The following GPC1 variants were observed in gnomAD, a reference collection of about 807,000 sequenced individuals.
GPC1 encodes glypican 1, also known as glypican-1.
A neutral mutation model predicts 51.5 loss-of-function variants in GPC1; 26 were observed. That is an observed-to-expected ratio of 0.50 (90% CI 0.37 to 0.70). The LOEUF (loss-of-function observed/expected upper bound fraction) is 0.70. Among genes scored for constraint, GPC1 ranks in the 30% least tolerant of loss-of-function variants. The pLI, the probability that GPC1 is intolerant of heterozygous loss-of-function variation, is 0.00. For missense variants in GPC1, 775 were observed against 800.5 expected (o/e 0.97, Z 0.38); for synonymous variants, 380 against 348.3 (o/e 1.09, Z -1.01).
chr2:240,442,466 A>C (rs1050609994), intron 1 of GPC1: 1 of 152,246 alleles, frequency 6.6e-6, no homozygotes, highest in African/African-American at 2.4e-5. Context: ...GGCGTGAGGA[A>C]GTCTGCTCCA....
In GPC1 at chr2:240,435,883, C is replaced by T; in HGVS notation, c.-36C>T. 8.3e-7 allele frequency: 1 copy of T among 1,202,408 alleles called. No homozygotes were observed. The highest frequency in any genetic ancestry group is 1.0e-6 in the Non-Finnish European group (1 of 962,744). The allele number at this position is 1,202,408 out of a possible 1,614,324, so 74.5% of individuals were successfully genotyped here. On this transcript the variant is annotated 5_prime_UTR_variant, in exon 1 of 9. Coordinates refer to ENST00000264039, the MANE Select transcript of GPC1 (RefSeq NM_002081.3). ...GGACCCGGCCAGGATCCGAGAGAGG[C>T]GCGGGCGGGTGGCCGGGGGCGCCGC...
intron 2 of GPC1, among the ~76,000 whole-genome samples, chr2:240,459,866 C>A (rs2074202119): frequency 6.6e-6 from 1 of 152,168 alleles, no homozygotes; most frequent in African/African-American, 2.4e-5. Context: ...ATGAAGTGAC[C>A]TCTGATCAGA....
chr2:240,438,119 C>T (rs1574753604), intron 1 of GPC1, among the ~76,000 whole-genome samples: 1 of 152,212 alleles, frequency 6.6e-6, no homozygotes, highest in Non-Finnish European at 1.5e-5. Context: ...TGTCTAACCA[C>T]GGTGCCAGCC....
chr2:240,443,425 C>T (rs928670976), intron 1 of GPC1, among the ~76,000 whole-genome samples: 10 of 152,314 alleles, frequency 6.6e-5, no homozygotes, highest in Admixed American at 2.0e-4. Flanking sequence ...CGAGGAGGCC[C>T]GCTGCTCTCT....
intron 1 of GPC1, chr2:240,456,544 A>G (rs1219980530): frequency 4.3e-6 from 2 of 462,926 alleles, no homozygotes; most frequent in African/African-American, 2.0e-5. Context: ...CTCAGCTGGC[A>G]CCTGCCACCC....
intron 1 of GPC1, chr2:240,453,121 C>A: frequency 3.7e-6 from 1 of 271,472 alleles, no homozygotes. Context: ...CATCTCCACC[C>A]GCTCCTCGTC....
chr2:240,456,339 G>A (rs11693260), intron 1 of GPC1, among the ~76,000 whole-genome samples: 1 of 152,048 alleles, frequency 6.6e-6, no homozygotes, highest in African/African-American at 2.4e-5. Context: ...GAGTGGGTCC[G>A]CCGGGACCTC....
rs530136652 is a variant in GPC1, at chr2:240,454,222, C to G, written c.167-4808C>G. Among the ~76,000 whole-genome samples the G allele has an allele frequency of 2.6e-5, 4 of 152,250 alleles. No homozygotes were observed. The South Asian group carries it at 8.3e-4, about 32-fold the overall frequency. ...CTGCCTCTGGCTCAGACGTCAGGAG[C>G]CCAGGCGGACAGGGACTGGCCAGGG... On this transcript the variant is annotated intron_variant, in intron 1 of 8. Coordinates refer to ENST00000264039, the MANE Select transcript of GPC1 (RefSeq NM_002081.3).
chr2:240,462,084 C>T, intron 2 of GPC1, 107 bp from the exon 3 acceptor site: 1 of 1,145,036 alleles, frequency 8.7e-7, no homozygotes, highest in Admixed American at 2.8e-5. Context: ...CCGAGGTCCT[C>T]AGAGTGTATC....
chr2:240,451,248 C>T (rs1016400537), intron 1 of GPC1: 22 of 470,980 alleles, frequency 4.7e-5, no homozygotes, highest in African/African-American at 3.8e-4. Context: ...TTGGCATTCA[C>T]GGGGCAGATG....
intron 1 of GPC1, chr2:240,449,646 C>T (rs1474315993): frequency 9.1e-6 from 3 of 328,156 alleles, no homozygotes; most frequent in East Asian, 7.8e-5. Flanking sequence ...CACCCCCATC[C>T]AGCTCCAGGA....
In GPC1 at chr2:240,458,789, C is replaced by T. The variant is rs1354339224; in HGVS notation, c.167-241C>T. 3.7e-5 allele frequency: 19 copies of T among 519,958 alleles called. No individual in the cohort carries two copies. In the Admixed American group the frequency reaches 6.1e-4, roughly 17 times the overall value. 32.2% of individuals were successfully genotyped at this position (519,958 alleles called of 1,614,324 possible). ...CAGGACTTGCCCAAGGGGCCTCCTG[C>T]CCTGTAGAGGCAGCCGTGCTCTTGT... On this transcript the variant is annotated intron_variant, in intron 1 of 8. Transcript: ENST00000264039.
chr2:240,456,399 T>G (rs1415929865), intron 1 of GPC1, among the ~76,000 whole-genome samples: 2 of 152,002 alleles, frequency 1.3e-5, no homozygotes, highest in African/African-American at 2.4e-5. Context: ...CCCACCCTCC[T>G]CCCTAGGAGT....
At chr2:240,457,398 T>TC (rs1285596899) in intron 1 of GPC1, 2 of 465,536 alleles carry the variant, frequency 4.3e-6, no homozygotes, top group African/African-American at 4.0e-5. Flanking sequence ...CTCGGGCTCC[T>TC]CCCTGAGTGT....
chr2:240,444,154 G>A (rs1458940806), intron 1 of GPC1, among the ~76,000 whole-genome samples: 1 of 152,178 alleles, frequency 6.6e-6, no homozygotes, highest in African/African-American at 2.4e-5. Flanking sequence ...CCGCAGGAGG[G>A]CCCGGCCAGC....
chr2:240,447,373 G>A (rs1467352648), intron 1 of GPC1, among the ~76,000 whole-genome samples: 3 of 152,324 alleles, frequency 2.0e-5, no homozygotes, highest in Admixed American at 6.5e-5. Context: ...CAGTCATTTC[G>A]GAAGGTCAGG....
intron 2 of GPC1, among the ~76,000 whole-genome samples, chr2:240,461,166 G>A (rs2074211851): frequency 1.3e-5 from 2 of 152,206 alleles, no homozygotes; most frequent in Admixed American, 1.3e-4. Flanking sequence ...GGTGGACACT[G>A]GACAGCTGTG....
chr2:240,465,382 A>G (rs2151797436), intron 7 of GPC1, 91 bp from the exon 8 acceptor site: 4 of 1,396,210 alleles, frequency 2.9e-6, no homozygotes, highest in Non-Finnish European at 4.0e-6. Flanking sequence ...TGGGCATCTC[A>G]GGCTCAGAGC....
In GPC1 at chr2:240,464,453, CAT is replaced by C. The variant is rs1234682281; in HGVS notation, c.884-162_884-161del. On this transcript the variant is annotated intron_variant, in intron 4 of 8. Transcript: ENST00000264039. The stretch of plus-strand genomic sequence containing the variant: ...CCAAGCTGAGTGCACGTGGCCTGCA[CAT>C]GTCACACGGGCCAACCTGAGTGCAC... 8 of 870,034 alleles carry C rather than the reference CAT, an allele frequency of 9.2e-6. No individual in the cohort carries two copies. In the East Asian group the frequency reaches 1.3e-4, roughly 14 times the overall value. The allele number at this position is 870,034 out of a possible 1,614,324, so 53.9% of individuals were successfully genotyped here.
Sources: gnomAD v4.1 joint callset for allele counts (sites outside exome capture counted in the v4.1 genomes callset) on GRCh38, gnomAD v4.1.1 for gene constraint, MANE v1.5 for transcripts, NCBI Gene and HGNC (gene_info 2026-07-23, HGNC 2026-07-21) for gene names.